Variants in TENT4B observed in about 807,000 individuals in gnomAD.
TENT4B encodes PAP associated domain containing 5.
A neutral mutation model predicts 75.0 loss-of-function variants in TENT4B; 10 were observed. The observed-to-expected ratio is 0.13, with a 90% CI of 0.08 to 0.23. TENT4B has a LOEUF of 0.23. TENT4B is among the 10% of genes least tolerant of loss of function. The pLI is 1.00. For missense variants in TENT4B, 579 were observed against 893.8 expected (o/e 0.65, Z 4.49); for synonymous variants, 350 against 357.7 (o/e 0.98, Z 0.24).
At chr16:50,165,519 G>A (rs755762729) in intron 1 of TENT4B, among the ~76,000 whole-genome samples, 4 of 152,054 alleles carry the variant, frequency 2.6e-5, no homozygotes, top group South Asian at 2.1e-4. Flanking sequence ...TACAACCATC[G>A]CAACTAATTC....
chr16:50,232,671 G>A lies in TENT4B; in HGVS notation c.*3343G>A, dbSNP rs2032331307. 2 of 985,142 alleles carry A rather than the reference G, an allele frequency of 2.0e-6. No individual in the cohort carries two copies. The highest frequency in any genetic ancestry group is 2.4e-6 in the Non-Finnish European group (2 of 829,902). 61.0% of individuals were successfully genotyped at this position (985,142 alleles called of 1,614,324 possible). On this transcript the variant is annotated 3_prime_UTR_variant, in exon 12 of 12. Transcript: ENST00000561678. The stretch of plus-strand genomic sequence containing the variant: ...ATTCTCTTGCTGTGACATGTTCATT[G>A]CAAAGCCCTCTCCAGTGACTAGGAG...
intron 5 of TENT4B, among the ~76,000 whole-genome samples, chr16:50,218,078 A>G (rs2031657137): frequency 6.6e-6 from 1 of 151,842 alleles, no homozygotes. Flanking sequence ...TTTGTATGCA[A>G]CGGTTTTGCT....
At chr16:50,160,701 G>A (rs1235487335) in intron 1 of TENT4B, among the ~76,000 whole-genome samples, 2 of 152,220 alleles carry the variant, frequency 1.3e-5, no homozygotes, top group Non-Finnish European at 2.9e-5. Flanking sequence ...GGGTATAGAC[G>A]TCATGGCAGT....
At chr16:50,159,120 C>T (rs2037955097) in intron 1 of TENT4B, among the ~76,000 whole-genome samples, 1 of 152,124 alleles carries the variant, frequency 6.6e-6, no homozygotes, top group South Asian at 2.1e-4. Flanking sequence ...CTCTAGTGCC[C>T]ATTGTTCATC....
In TENT4B at chr16:50,231,379, A is replaced by G. The variant is rs552224048; in HGVS notation, c.*2051A>G. ...GAACAATTATTTATAAAATAATATTAAATCCAGTATTAGCTGCCTATTTCA... is the reference window on the plus strand; with the variant it reads ...GAACAATTATTTATAAAATAATATTGAATCCAGTATTAGCTGCCTATTTCA... On this transcript the variant is annotated 3_prime_UTR_variant, in exon 12 of 12. Coordinates refer to ENST00000561678, the MANE Select transcript of TENT4B (RefSeq NM_001365324.3). 7.0e-5 allele frequency: 69 copies of G among 981,230 alleles called. No individual in the cohort carries two copies. The highest frequency in any genetic ancestry group is 3.1e-4 in the Admixed American group (5 of 16,254). 60.8% of individuals were successfully genotyped at this position (981,230 alleles called of 1,614,324 possible).
chr16:50,185,698 T>G (rs545333272), intron 1 of TENT4B, among the ~76,000 whole-genome samples: 1 of 152,248 alleles, frequency 6.6e-6, no homozygotes, highest in East Asian at 1.9e-4. Flanking sequence ...TTGACACATT[T>G]GATTTCCTTT....
At chr16:50,207,123 C>T (rs7205564) in intron 1 of TENT4B, among the ~76,000 whole-genome samples, 112,440 of 150,800 alleles carry the variant, frequency 0.75, 42,542 homozygotes, top group Non-Finnish European at 0.8. Flanking sequence ...TTTTATCATA[C>T]TGCTTTTATA....
At chr16:50,157,499 T>C (rs560396223) in intron 1 of TENT4B, among the ~76,000 whole-genome samples, 1 of 152,258 alleles carries the variant, frequency 6.6e-6, no homozygotes, top group Non-Finnish European at 1.5e-5. Flanking sequence ...AATAAAACTC[T>C]TGAGCTCATC....
At chr16:50,212,494 A>G (rs1389656319) in intron 2 of TENT4B, among the ~76,000 whole-genome samples, 2 of 152,198 alleles carry the variant, frequency 1.3e-5, no homozygotes, top group African/African-American at 4.8e-5. Context: ...TTCTTCAGGC[A>G]CTGTCCTGGG....
chr16:50,201,535 TC>T (rs1046009245), intron 1 of TENT4B, among the ~76,000 whole-genome samples: 29 of 149,000 alleles, frequency 1.9e-4, no homozygotes, highest in Admixed American at 1.3e-3. Flanking sequence ...AGACTCTGTC[TC>T]AAGAAAAAAA....
intron 1 of TENT4B, among the ~76,000 whole-genome samples, chr16:50,166,080 CT>C (rs34403390): frequency 0.22 from 25,529 of 117,412 alleles, 1,871 homozygotes; most frequent in African/African-American, 0.31. Context: ...CTTGACAGCA[CT>C]TTTTTTTTTT....
At chr16:50,210,064 G>T (rs1051064174) in intron 1 of TENT4B, among the ~76,000 whole-genome samples, 11 of 151,980 alleles carry the variant, frequency 7.2e-5, no homozygotes, top group African/African-American at 2.4e-4. Flanking sequence ...CAAACCCCCT[G>T]CCCCTCCTTC....
At chr16:50,191,079 A>G (rs1206545224) in intron 1 of TENT4B, among the ~76,000 whole-genome samples, 2 of 150,796 alleles carry the variant, frequency 1.3e-5, no homozygotes, top group South Asian at 4.1e-4. Flanking sequence ...ATTCCATTGT[A>G]TGTATATGTC....
chr16:50,206,300 T>C (rs1224203116), intron 1 of TENT4B, among the ~76,000 whole-genome samples: 1 of 151,998 alleles, frequency 6.6e-6, no homozygotes, highest in Non-Finnish European at 1.5e-5. Context: ...CTTTTCAATA[T>C]ATTGTTTCAA....
chr16:50,193,514 A>G (rs1473952686), intron 1 of TENT4B, among the ~76,000 whole-genome samples: 7 of 151,454 alleles, frequency 4.6e-5, no homozygotes, highest in South Asian at 2.1e-4. Flanking sequence ...ATTTTTTTCT[A>G]TTTTTAGTAG....
intron 1 of TENT4B, among the ~76,000 whole-genome samples, chr16:50,183,476 G>A (rs1202811364): frequency 6.7e-6 from 1 of 149,330 alleles, no homozygotes; most frequent in East Asian, 1.9e-4. Context: ...TCATTAATGT[G>A]CTGGTCTTTC....
At position 50,230,229 on chromosome 16, in the gene TENT4B, T is replaced by C. The variant is rs2032241177; in HGVS notation, c.*901T>C. On this transcript the variant is annotated 3_prime_UTR_variant, in exon 12 of 12. Transcript: ENST00000561678. ...TCTATAGTGCTGTCGTCTTGGGCAA[T>C]GGGCAATTACATGACTTTGTGTTTG... 1.0e-6 allele frequency: 1 copy of C among 983,844 alleles called. No individual in the cohort carries two copies. Among genetic ancestry groups the C allele is most frequent in the Non-Finnish European group, 1.2e-6 (1 of 829,708 alleles). The allele number at this position is 983,844 out of a possible 1,614,324, so 60.9% of individuals were successfully genotyped here. A position where few individuals can be genotyped will look rare whatever the true frequency, so the allele number is the denominator to read the frequency against.
intron 1 of TENT4B, among the ~76,000 whole-genome samples, chr16:50,159,266 C>T (rs1348460714): frequency 4.9e-5 from 7 of 142,024 alleles, no homozygotes; most frequent in East Asian, 2.1e-4. Flanking sequence ...TTTTTTTAGA[C>T]GGAGTTTCAC....
chr16:50,171,151 A>T (rs2038198707), intron 1 of TENT4B, among the ~76,000 whole-genome samples: 1 of 152,122 alleles, frequency 6.6e-6, no homozygotes, highest in South Asian at 2.1e-4. Context: ...CTGTAATCCT[A>T]ATACTTTGGG....
Sources: gnomAD v4.1 joint callset for allele counts (sites outside exome capture counted in the v4.1 genomes callset) on GRCh38, gnomAD v4.1.1 for gene constraint, MANE v1.5 for transcripts, NCBI Gene and HGNC (gene_info 2026-07-23, HGNC 2026-07-21) for gene names.